The following BBX variants were observed in gnomAD, a reference collection of about 807,000 sequenced individuals.
BBX encodes the protein BBX high mobility group box domain containing.
BBX carries 30 observed loss-of-function variants against 100.2 expected under a neutral mutation model. That is an observed-to-expected ratio of 0.30 (90% CI 0.22 to 0.41). BBX has a LOEUF of 0.41. Ranked by LOEUF, BBX falls within the 10% of genes least tolerant of loss-of-function variation. BBX has a pLI of 1.00. For missense variants in BBX, 1,023 were observed against 1,129.8 expected, an observed-to-expected ratio of 0.91 and a Z score of 1.35; for synonymous variants, 376 against 388.1, an observed-to-expected ratio of 0.97 and a Z score of 0.37.
At chr3:107,697,229 T>C (rs1413834092) in intron 3 of BBX, among the ~76,000 whole-genome samples, 2 of 151,942 alleles carry the variant, frequency 1.3e-5, no homozygotes, top group African/African-American at 2.4e-5. Flanking sequence ...AGCTTTGTTC[T>C]GTTGCTGGTG....
At chr3:107,727,213 A>G (rs2063010875) in intron 5 of BBX, among the ~76,000 whole-genome samples, 1 of 152,152 alleles carries the variant, frequency 6.6e-6, no homozygotes, top group African/African-American at 2.4e-5. Context: ...TTCATCTGAC[A>G]AACCCGGCCC....
At chr3:107,743,302 T>TG (rs2064268981) in intron 7 of BBX, among the ~76,000 whole-genome samples, 1 of 152,230 alleles carries the variant, frequency 6.6e-6, no homozygotes, top group Non-Finnish European at 1.5e-5. Context: ...TATTTTGTTC[T>TG]GGTATTCCTA....
chr3:107,529,787 C>A (rs576813401), intron 2 of BBX, among the ~76,000 whole-genome samples: 1 of 152,012 alleles, frequency 6.6e-6, no homozygotes, highest in Non-Finnish European at 1.5e-5. Flanking sequence ...TACAGATATA[C>A]CCAGAAAATC....
intron 3 of BBX, among the ~76,000 whole-genome samples, chr3:107,708,502 C>T (rs565345852): frequency 3.3e-5 from 5 of 151,972 alleles, no homozygotes; most frequent in East Asian, 3.9e-4. Context: ...GGTGAAACCC[C>T]GTCTCTACTA....
chr3:107,707,021 A>T (rs2107266151), intron 3 of BBX, among the ~76,000 whole-genome samples: 1 of 152,338 alleles, frequency 6.6e-6, no homozygotes, highest in South Asian at 2.1e-4. Context: ...GAATTAGATA[A>T]CTATAAATTA....
chr3:107,638,853 G>T (rs1288872262), intron 2 of BBX, among the ~76,000 whole-genome samples: 1 of 143,652 alleles, frequency 7.0e-6, no homozygotes, highest in East Asian at 2.0e-4. Context: ...GCCAGGTCTG[G>T]TGGCATGTGC....
At chr3:107,553,850 A>G (rs1281192033) in intron 2 of BBX, among the ~76,000 whole-genome samples, 4 of 152,212 alleles carry the variant, frequency 2.6e-5, no homozygotes, top group African/African-American at 9.7e-5. Context: ...TAGTGTTATT[A>G]GATCTTTAAT....
chr3:107,543,835 A>C (rs1309219911), intron 2 of BBX, among the ~76,000 whole-genome samples: 1 of 152,174 alleles, frequency 6.6e-6, no homozygotes. Context: ...TGATGAGGAG[A>C]AAAGAAGTTT....
chr3:107,678,648 CAGA>C (rs2107972351), intron 3 of BBX, among the ~76,000 whole-genome samples: 1 of 152,076 alleles, frequency 6.6e-6, no homozygotes, highest in South Asian at 2.1e-4. Flanking sequence ...CACTTGAGCC[CAGA>C]AGGTCAAGCT....
intron 7 of BBX, among the ~76,000 whole-genome samples, chr3:107,737,074 TG>T (rs2063686407): frequency 6.6e-6 from 1 of 152,076 alleles, no homozygotes; most frequent in African/African-American, 2.4e-5. Flanking sequence ...TTCCATCCTA[TG>T]AAATGGAGCT....
intron 10 of BBX, among the ~76,000 whole-genome samples, chr3:107,771,128 A>T (rs1414889120): frequency 1.3e-5 from 2 of 152,114 alleles, no homozygotes; most frequent in Non-Finnish European, 2.9e-5. Flanking sequence ...GCTGCCCTTG[A>T]CCAAATCGGC....
intron 3 of BBX, among the ~76,000 whole-genome samples, chr3:107,671,228 T>C (rs2059006211): frequency 3.3e-5 from 5 of 152,064 alleles, no homozygotes; most frequent in Admixed American, 3.3e-4. Context: ...ACAAAAGTTA[T>C]TTGATTTTGG....
intron 2 of BBX, among the ~76,000 whole-genome samples, chr3:107,536,942 G>C (rs1159747260): frequency 6.6e-6 from 1 of 152,122 alleles, no homozygotes; most frequent in African/African-American, 2.4e-5. Flanking sequence ...TGAAAAACTG[G>C]CCAGTTCCAG....
In BBX at chr3:107,584,941, CA is replaced by C. The variant is rs574756502; in HGVS notation, c.-84+58546del. Among the ~76,000 whole-genome samples the C allele has an allele frequency of 1.6e-3, 246 of 152,064 alleles. 1 individual carries two copies. Among genetic ancestry groups the C allele is most frequent in the African/African-American group, 5.8e-3 (240 of 41,476 alleles). On this transcript the variant is annotated intron_variant, in intron 2 of 17. Coordinates refer to ENST00000325805, the MANE Select transcript of BBX (RefSeq NM_001142568.3). ...AGATGATCTGCCCACCTCGTCCTCCCAAAGTGATTACAGGTGTGAGCCACCA... is the reference window on the plus strand; with the variant it reads ...AGATGATCTGCCCACCTCGTCCTCCCAAGTGATTACAGGTGTGAGCCACCA...
intron 3 of BBX, among the ~76,000 whole-genome samples, chr3:107,691,216 AC>A (rs1242954262): frequency 2.0e-5 from 3 of 152,104 alleles, no homozygotes; most frequent in Non-Finnish European, 4.4e-5. Context: ...CCACTCTCGT[AC>A]TTTTTAAAAG....
In BBX at chr3:107,728,887, C is replaced by G. The variant is rs747972219; in HGVS notation, c.528C>G (p.Asp176Glu). 8 of 1,613,944 alleles carry G rather than the reference C, an allele frequency of 5.0e-6. No individual in the cohort carries two copies. The highest frequency in any genetic ancestry group is 6.8e-6 in the Non-Finnish European group (8 of 1,179,884). ...PRKKLWAFPSDSSRDLPSPKK... is the reference protein window; with the variant it reads ...PRKKLWAFPSESSRDLPSPKK... ...AGAAACTTTGGGCCTTCCCATCTGACTCTTCAAGAGACTTGCCAAGCCCCA... is the reference window on the plus strand; with the variant it reads ...AGAAACTTTGGGCCTTCCCATCTGAGTCTTCAAGAGACTTGCCAAGCCCCA... Residue 176 changes from aspartate (D) to glutamate (E), a missense_variant, in exon 6 of 18, where the codon GAC (aspartate) becomes GAG (glutamate). This residue lies in a region of BBX where 229 missense variants were observed against 226.3 expected (regional missense o/e 1.01). Coordinates refer to ENST00000325805, the MANE Select transcript of BBX (RefSeq NM_001142568.3).
chr3:107,698,462 C>A (rs892532305), intron 3 of BBX, among the ~76,000 whole-genome samples: 1 of 151,508 alleles, frequency 6.6e-6, no homozygotes, highest in East Asian at 1.9e-4. Flanking sequence ...ATCAGCCTGG[C>A]CAATATGGTG....
At chr3:107,666,410 T>C (rs2058744251) in intron 3 of BBX, among the ~76,000 whole-genome samples, 1 of 152,176 alleles carries the variant, frequency 6.6e-6, no homozygotes, top group Non-Finnish European at 1.5e-5. Context: ...TCTTGCAACT[T>C]TTAGCATAAA....
intron 2 of BBX, among the ~76,000 whole-genome samples, chr3:107,607,114 T>G (rs2054505796): frequency 6.6e-6 from 1 of 152,148 alleles, no homozygotes; most frequent in African/African-American, 2.4e-5. Context: ...CTTTTTTTTT[T>G]GAGATGGAGT....
Sources: allele counts gnomAD v4.1 joint callset (sites outside exome capture counted in the v4.1 genomes callset), GRCh38; gene constraint gnomAD v4.1.1; regional missense constraint gnomAD v4.1.1; transcripts MANE v1.5; gene names NCBI Gene and HGNC (gene_info 2026-07-23, HGNC 2026-07-21).